HTR2C: variants seen among roughly 807,000 people sequenced by gnomAD.
The protein encoded by HTR2C is 5-hydroxytryptamine (serotonin) receptor 2C, G protein-coupled.
In HTR2C, 5 loss-of-function variants were observed where a neutral mutation model predicts 21.0. The observed-to-expected ratio is 0.24, with a 90% CI of 0.12 to 0.50. The LOEUF is 0.50. Among genes scored for constraint, HTR2C ranks in the 20% least tolerant of loss-of-function variants. The probability of loss-of-function intolerance (pLI) is 0.98; values close to 1 mark genes in which losing one functional copy is unlikely to be tolerated. For missense variants in HTR2C, 271 were observed against 371.2 expected, an observed-to-expected ratio of 0.73 and a Z score of 2.22; for synonymous variants, 150 against 145.3, an observed-to-expected ratio of 1.03 and a Z score of -0.23.
chrX:114,865,534 C>T (rs1569500920), intron 5 of HTR2C, among the ~76,000 whole-genome samples: 1 of 111,482 alleles, frequency 9.0e-6, no homozygotes, highest in Non-Finnish European at 1.9e-5. Flanking sequence ...ACAACCTCCC[C>T]AATTCTTGGT....
chrX:114,793,909 T>C (rs1291910047), intron 4 of HTR2C, among the ~76,000 whole-genome samples: 1 of 110,345 alleles, frequency 9.1e-6, no homozygotes, highest in Non-Finnish European at 1.9e-5. Flanking sequence ...GGAGTCAGTA[T>C]AGAGTAAGTT....
chrX:114,733,408 A>C (rs1352961587), intron 4 of HTR2C, among the ~76,000 whole-genome samples: 1 of 108,205 alleles, frequency 9.2e-6, no homozygotes, highest in Non-Finnish European at 1.9e-5. Flanking sequence ...ATACTCCATA[A>C]AAAAATTTAA....
intron 1 of HTR2C, among the ~76,000 whole-genome samples, chrX:114,610,230 C>G (rs1556398274): frequency 9.0e-6 from 1 of 111,607 alleles, no homozygotes; most frequent in African/African-American, 3.3e-5. Context: ...GGACTGACTA[C>G]TGGCATTTTA....
chrX:114,781,278 C>T lies in HTR2C; in HGVS notation c.349+49671C>T, dbSNP rs148487713. ...GAGGTGGGAGGATCACTTGAGGCTA[C>T]GATTTTGTGACCAGCCCGGATAACA... On this transcript the variant is annotated intron_variant, in intron 4 of 5. Coordinates refer to ENST00000276198, the MANE Select transcript of HTR2C (RefSeq NM_000868.4). 5.2e-3 allele frequency among the ~76,000 whole-genome samples: 578 copies of T among 110,598 alleles called. 2 individuals carry two copies. The Middle Eastern group carries it at 0.056, about 11-fold the overall frequency.
intron 4 of HTR2C, among the ~76,000 whole-genome samples, chrX:114,837,093 C>T (rs1338512504): frequency 1.3e-4 from 14 of 111,738 alleles, no homozygotes; most frequent in African/African-American, 3.2e-5. Flanking sequence ...ACTTGAACTA[C>T]GTTGAGTTAT....
chrX:114,795,718 G>A (rs962628757), intron 4 of HTR2C, among the ~76,000 whole-genome samples: 2 of 111,232 alleles, frequency 1.8e-5, no homozygotes, highest in East Asian at 2.8e-4. Flanking sequence ...TGTTCCATTG[G>A]TCTATATCTC....
Position 114,734,831 on chromosome X carries a change from A to G in HTR2C, c.349+3224A>G, listed in dbSNP as rs1421262024. Reference sequence around the variant, plus strand: ...TGAAGAGCTATAAATTCTAGTATACAGTTTTAAAAAGGTGAATTTTACTCT... The same window carrying G: ...TGAAGAGCTATAAATTCTAGTATACGGTTTTAAAAAGGTGAATTTTACTCT... On this transcript the variant is annotated intron_variant, in intron 4 of 5. Coordinates refer to ENST00000276198, the MANE Select transcript of HTR2C (RefSeq NM_000868.4). 1.7e-4 allele frequency among the ~76,000 whole-genome samples: 19 copies of G among 110,998 alleles called. No homozygotes were observed. In the Admixed American group the frequency reaches 1.8e-3, roughly 11 times the overall value.
At chrX:114,696,870 T>G (rs1932295122) in intron 2 of HTR2C, among the ~76,000 whole-genome samples, 1 of 111,341 alleles carries the variant, frequency 9.0e-6, no homozygotes, top group Non-Finnish European at 1.9e-5. Context: ...ATGCTCATAG[T>G]AGTTGCTTAT....
At chrX:114,738,748 A>G (rs1221352416) in intron 4 of HTR2C, among the ~76,000 whole-genome samples, 2 of 110,517 alleles carry the variant, frequency 1.8e-5, no homozygotes, top group Non-Finnish European at 3.8e-5. Context: ...CAGGACATGT[A>G]TACCTATGTA....
chrX:114,816,201 T>C (rs781886693), intron 4 of HTR2C, among the ~76,000 whole-genome samples: 4 of 110,001 alleles, frequency 3.6e-5, no homozygotes, highest in Non-Finnish European at 7.6e-5. Flanking sequence ...ATACGAATTG[T>C]ATGACCAGGA....
At chrX:114,658,954 A>G (rs1460281348) in intron 2 of HTR2C, among the ~76,000 whole-genome samples, 3 of 111,753 alleles carry the variant, frequency 2.7e-5, no homozygotes, top group Admixed American at 9.5e-5. Context: ...GCTAATAAAG[A>G]CAAACCCAAG....
intron 2 of HTR2C, among the ~76,000 whole-genome samples, chrX:114,674,836 A>C (rs1287970844): frequency 8.9e-6 from 1 of 111,911 alleles, no homozygotes; most frequent in Non-Finnish European, 1.9e-5. Flanking sequence ...TTCTGCCTCT[A>C]AACTCTATAC....
At chrX:114,660,181 A>G (rs1449996578) in intron 2 of HTR2C, among the ~76,000 whole-genome samples, 1 of 111,885 alleles carries the variant, frequency 8.9e-6, no homozygotes, top group Admixed American at 9.5e-5. Context: ...GAATAGGAAC[A>G]TATAGTTTTA....
At chrX:114,889,380 C>A (rs2071243050) in intron 5 of HTR2C, among the ~76,000 whole-genome samples, 1 of 111,684 alleles carries the variant, frequency 9.0e-6, no homozygotes, top group African/African-American at 3.3e-5. Context: ...CCCTTACTTG[C>A]ACAGAGCCTC....
intron 4 of HTR2C, among the ~76,000 whole-genome samples, chrX:114,745,702 C>G: frequency 9.0e-6 from 1 of 111,700 alleles, no homozygotes; most frequent in Middle Eastern, 4.7e-3. Context: ...AATCCAGACA[C>G]AGGAAGACAA....
At chrX:114,692,775 A>G (rs1556415274) in intron 2 of HTR2C, among the ~76,000 whole-genome samples, 1 of 112,077 alleles carries the variant, frequency 8.9e-6, no homozygotes, top group Non-Finnish European at 1.9e-5. Flanking sequence ...GAAAAAATGA[A>G]TTAACATACC....
chrX:114,788,087 G>GT (rs1369559020), intron 4 of HTR2C, among the ~76,000 whole-genome samples: 2 of 110,562 alleles, frequency 1.8e-5, no homozygotes, highest in African/African-American at 6.6e-5. Context: ...TCCTGTTGTT[G>GT]TTTTTTTACC....
rs1556486977 is a variant in HTR2C at position 114,906,808 on chromosome X, C to G, written c.770C>G (p.Pro257Arg). 2.2e-5 allele frequency: 27 copies of G among 1,208,812 alleles called. No homozygotes were observed. In the East Asian group the frequency reaches 7.7e-4, roughly 35 times the overall value. ...CTGCACGGCCACACCGAGGAACCGC[C>G]TGGACTAAGTCTGGATTTCCTGAAG... The part of the protein sequence containing the change: ...MLLHGHTEEP[P>R]GLSLDFLKCC... Residue 257 changes from proline to arginine, a missense_variant, in exon 6 of 6, where the codon CCT becomes CGT. By Grantham distance (103) the Pro-to-Arg change is moderately radical (BLOSUM62 -2). This residue lies in a region of HTR2C where 192 missense variants were observed against 247.2 expected (regional missense o/e 0.78). Coordinates refer to ENST00000276198, the MANE Select transcript of HTR2C (RefSeq NM_000868.4).
At chrX:114,653,948 C>T (rs1005849637) in intron 2 of HTR2C, among the ~76,000 whole-genome samples, 1 of 110,386 alleles carries the variant, frequency 9.1e-6, no homozygotes, top group Non-Finnish European at 1.9e-5. Context: ...TCTGCTACTA[C>T]GCTGCAGAAC....
Sources: allele counts gnomAD v4.1 joint callset (sites outside exome capture counted in the v4.1 genomes callset), GRCh38; gene constraint gnomAD v4.1.1; regional missense constraint gnomAD v4.1.1; transcripts MANE v1.5; gene names NCBI Gene and HGNC (gene_info 2026-07-23, HGNC 2026-07-21).